ENOX1: variants seen among roughly 807,000 people sequenced by gnomAD.
The protein encoded by ENOX1 is ecto-NOX disulfide-thiol exchanger 1, also known as candidate growth-related and time keeping constitutive hydroquinone (NADH) oxidase.
A neutral mutation model predicts 82.5 loss-of-function variants in ENOX1; 42 were observed. The observed-to-expected ratio is 0.51, with a 90% CI of 0.40 to 0.66. The LOEUF (loss-of-function observed/expected upper bound fraction) is 0.66. Among genes scored for constraint, ENOX1 ranks in the 30% least tolerant of loss-of-function variants. The pLI, the probability that ENOX1 is intolerant of heterozygous loss-of-function variation, is 0.00. For synonymous variants in ENOX1, 271 were observed against 282.2 expected, an observed-to-expected ratio of 0.96 and a Z score of 0.40; for missense variants, 608 against 811.6, an observed-to-expected ratio of 0.75 and a Z score of 3.05.
At position 43,406,492 on chromosome 13, in the gene ENOX1, C is replaced by CCTTT. The variant is rs1464965692; in HGVS notation, c.208+5423_208+5424insAAAG. On this transcript the variant is annotated intron_variant, in intron 5 of 16. Transcript: ENST00000690772. ...TGTAGTTAATTGGGAAGTATGTTGT[C>CCTTT]TTTTTTTTTTTTTTTTTTGAGACAG... Among the ~76,000 whole-genome samples the CCTTT allele has an allele frequency of 2.0e-3, 227 of 114,024 alleles. 2 individuals carry two copies. In the Middle Eastern group the frequency reaches 0.024, roughly 12 times the overall value. 74.8% of individuals were successfully genotyped at this position (114,024 alleles called of 152,430 possible). A position where few individuals can be genotyped will look rare whatever the true frequency, so the allele number is the denominator to read the frequency against.
intron 8 of ENOX1, among the ~76,000 whole-genome samples, chr13:43,351,400 T>C (rs936184206): frequency 1.6e-4 from 14 of 87,116 alleles, no homozygotes; most frequent in African/African-American, 5.1e-4. Flanking sequence ...TTCTTTTTAT[T>C]TTATTTATTT....
chr13:43,695,180 C>T (rs1048172903), intron 1 of ENOX1, among the ~76,000 whole-genome samples: 2 of 151,984 alleles, frequency 1.3e-5, no homozygotes, highest in Non-Finnish European at 2.9e-5. Flanking sequence ...CACAAAGACA[C>T]ACCTGATGTG....
intron 14 of ENOX1, among the ~76,000 whole-genome samples, chr13:43,263,896 A>G (rs1249928532): frequency 6.6e-6 from 1 of 152,200 alleles, no homozygotes; most frequent in African/African-American, 2.4e-5. Context: ...GGTGCTGAAG[A>G]AGGGTTTTAG....
At chr13:43,285,291 C>G (rs1331297852) in intron 12 of ENOX1, among the ~76,000 whole-genome samples, 5 of 152,032 alleles carry the variant, frequency 3.3e-5, no homozygotes, top group Non-Finnish European at 5.9e-5. Context: ...ATGATTAACA[C>G]TCTATGTTTA....
In ENOX1 at chr13:43,498,630, T is replaced by TA. The variant is rs1259497162; in HGVS notation, c.-218-14479dup. Among the ~76,000 whole-genome samples, 8 of 150,334 alleles carry TA rather than the reference T, an allele frequency of 5.3e-5. No homozygotes were observed. In the East Asian group the frequency reaches 7.7e-4, roughly 15 times the overall value. Reference sequence around the variant, plus strand: ...TATCTTTCTTGCAGAATTCTAAATTTAAAAAAAAAGATGGAATGAGAGAAA... The same window carrying TA: ...TATCTTTCTTGCAGAATTCTAAATTTAAAAAAAAAAGATGGAATGAGAGAAA... On this transcript the variant is annotated intron_variant, in intron 2 of 16. Transcript: ENST00000690772.
chr13:43,600,962 T>C (rs1364840579), intron 2 of ENOX1, among the ~76,000 whole-genome samples: 2 of 152,194 alleles, frequency 1.3e-5, no homozygotes, highest in Non-Finnish European at 2.9e-5. Context: ...GCGTCACAGC[T>C]TGGGCTTGGG....
chr13:43,784,460 T>C (rs1472453548), intron 1 of ENOX1, among the ~76,000 whole-genome samples: 1 of 152,234 alleles, frequency 6.6e-6, no homozygotes, highest in Non-Finnish European at 1.5e-5. Context: ...TATATAAAAA[T>C]GATAATAATG....
chr13:43,222,191 C>G (rs763820085), intron 16 of ENOX1, among the ~76,000 whole-genome samples: 1 of 152,104 alleles, frequency 6.6e-6, no homozygotes, highest in Non-Finnish European at 1.5e-5. Flanking sequence ...AAAGGCCCAT[C>G]ATCTAATGGC....
rs2050499462 is a variant in ENOX1, at chr13:43,361,456, T to C, written c.209-4A>G. 1.2e-6 allele frequency: 2 copies of C among 1,605,052 alleles called. No homozygotes were observed. Among genetic ancestry groups the C allele is most frequent in the Admixed American group, 1.7e-5 (1 of 57,228 alleles). On this transcript the variant is annotated splice_region_variant and splice_polypyrimidine_tract_variant and intron_variant, in intron 5 of 16. Coordinates refer to ENST00000690772, the MANE Select transcript of ENOX1 (RefSeq NM_001347969.2). ...AAGCCTGGGACACAGATTGAGTCTG[T>C]AAAGTATACAAGATAACATTTTGAC...
At chr13:43,416,875 G>A (rs1258347494) in intron 3 of ENOX1, among the ~76,000 whole-genome samples, 4 of 152,216 alleles carry the variant, frequency 2.6e-5, no homozygotes, top group African/African-American at 9.6e-5. Context: ...GGAGGTGGAG[G>A]TTGTAGCAAG....
intron 1 of ENOX1, among the ~76,000 whole-genome samples, chr13:43,724,920 A>G (rs2088833793): frequency 6.6e-6 from 1 of 152,204 alleles, no homozygotes; most frequent in Non-Finnish European, 1.5e-5. Flanking sequence ...AATGCAGTAT[A>G]TATGAGATAA....
At chr13:43,623,628 G>A (rs1478371716) in intron 2 of ENOX1, among the ~76,000 whole-genome samples, 3 of 152,094 alleles carry the variant, frequency 2.0e-5, no homozygotes, top group Non-Finnish European at 2.9e-5. Context: ...CAGAGGGTGT[G>A]TGGGTCCTCT....
At chr13:43,605,777 A>C (rs1218951031) in intron 2 of ENOX1, among the ~76,000 whole-genome samples, 1 of 152,212 alleles carries the variant, frequency 6.6e-6, no homozygotes, top group Non-Finnish European at 1.5e-5. Flanking sequence ...CCCTATAAGC[A>C]CAGGCAACCA....
chr13:43,503,287 G>A (rs2077043425), intron 2 of ENOX1, among the ~76,000 whole-genome samples: 1 of 151,560 alleles, frequency 6.6e-6, no homozygotes, highest in South Asian at 2.1e-4. Context: ...TTGATTTGAA[G>A]AATATCAAAA....
intron 1 of ENOX1, among the ~76,000 whole-genome samples, chr13:43,746,637 T>G (rs975950638): frequency 6.6e-6 from 1 of 151,802 alleles, no homozygotes; most frequent in Admixed American, 6.6e-5. Flanking sequence ...TTCATCCATA[T>G]AGTTCTAAGA....
chr13:43,608,305 C>T (rs2153735675), intron 2 of ENOX1, among the ~76,000 whole-genome samples: 1 of 152,210 alleles, frequency 6.6e-6, no homozygotes, highest in African/African-American at 2.4e-5. Context: ...TATTTCTATC[C>T]TATTTAATGT....
intron 5 of ENOX1, among the ~76,000 whole-genome samples, chr13:43,373,866 T>G (rs939684988): frequency 6.6e-6 from 1 of 152,230 alleles, no homozygotes; most frequent in Non-Finnish European, 1.5e-5. Context: ...TTTATCCTTT[T>G]GAGCTGAGTG....
At chr13:43,709,412 C>A (rs972061251) in intron 1 of ENOX1, among the ~76,000 whole-genome samples, 2 of 151,910 alleles carry the variant, frequency 1.3e-5, no homozygotes, top group Non-Finnish European at 1.5e-5. Context: ...CAGAAGAAAT[C>A]TTAAGAGAAA....
chr13:43,238,204 C>T (rs1371745587), intron 14 of ENOX1, among the ~76,000 whole-genome samples: 2 of 152,162 alleles, frequency 1.3e-5, no homozygotes, highest in African/African-American at 2.4e-5. Flanking sequence ...GCCAGCTGTA[C>T]ATCAAAGGTT....
Sources: allele counts gnomAD v4.1 joint callset (sites outside exome capture counted in the v4.1 genomes callset), GRCh38; gene constraint gnomAD v4.1.1; transcripts MANE v1.5; gene names NCBI Gene and HGNC (gene_info 2026-07-23, HGNC 2026-07-21).